Variants in SKAP2 observed in about 807,000 individuals in gnomAD.
SKAP2 encodes the protein src kinase-associated phosphoprotein 2.
SKAP2 carries 28 observed loss-of-function variants against 54.9 expected under a neutral mutation model. The observed-to-expected ratio is 0.51, with a 90% CI of 0.38 to 0.70. The LOEUF (loss-of-function observed/expected upper bound fraction) is 0.70. SKAP2 is among the 30% of genes least tolerant of loss of function. The pLI is 0.00. For missense variants in SKAP2, 356 were observed against 424.1 expected, an observed-to-expected ratio of 0.84 and a Z score of 1.41; for synonymous variants, 137 against 134.3, an observed-to-expected ratio of 1.02 and a Z score of -0.14.
chr7:26,671,023 A>C (rs1283849177), intron 11 of SKAP2, among the ~76,000 whole-genome samples: 2 of 151,372 alleles, frequency 1.3e-5, no homozygotes, highest in African/African-American at 2.5e-5. Context: ...TGAGATAAAC[A>C]AACCTATACC....
intron 4 of SKAP2, among the ~76,000 whole-genome samples, chr7:26,813,468 A>G (rs113709480): frequency 1.2e-3 from 187 of 152,338 alleles, no homozygotes; most frequent in Admixed American, 3.5e-3. Flanking sequence ...GTCAATCAAC[A>G]ATAAAGTATT....
the SKAP2 span, among the ~76,000 whole-genome samples, chr7:26,661,277 A>G: frequency 6.6e-6 from 1 of 152,168 alleles, no homozygotes; most frequent in Non-Finnish European, 1.5e-5. Context: ...GATTAGTGCT[A>G]TATTACAAGG....
chr7:26,775,749 T>C (rs1440620955), intron 4 of SKAP2, among the ~76,000 whole-genome samples: 1 of 152,128 alleles, frequency 6.6e-6, no homozygotes, highest in Non-Finnish European at 1.5e-5. Context: ...CATAATTTTG[T>C]CATTTCAAGA....
At chr7:26,783,890 T>C (rs1261408016) in intron 4 of SKAP2, among the ~76,000 whole-genome samples, 1 of 151,502 alleles carries the variant, frequency 6.6e-6, no homozygotes, top group East Asian at 1.9e-4. Flanking sequence ...CATGTATACA[T>C]ACGTAACTAA....
the SKAP2 span, among the ~76,000 whole-genome samples, chr7:26,661,622 T>C: frequency 6.6e-6 from 1 of 152,134 alleles, no homozygotes. Context: ...TGGAAGTCAA[T>C]GACTTGATCA....
At chr7:26,672,709 T>C (rs1019806717) in intron 11 of SKAP2, among the ~76,000 whole-genome samples, 2 of 152,020 alleles carry the variant, frequency 1.3e-5, no homozygotes, top group African/African-American at 4.8e-5. Flanking sequence ...AATTTATGGA[T>C]TTACACTGCA....
chr7:26,775,508 A>G (rs932627552), intron 4 of SKAP2, among the ~76,000 whole-genome samples: 28 of 147,968 alleles, frequency 1.9e-4, no homozygotes, highest in African/African-American at 6.8e-4. Flanking sequence ...AATATTATTT[A>G]GATTTCCCAG....
chr7:26,679,319 C>T (rs960380686), intron 11 of SKAP2, among the ~76,000 whole-genome samples: 2 of 152,178 alleles, frequency 1.3e-5, no homozygotes, highest in African/African-American at 4.8e-5. Context: ...GCATATTGTT[C>T]ACAAACAGAT....
At chr7:26,793,256 T>C (rs550147264) in intron 4 of SKAP2, among the ~76,000 whole-genome samples, 51 of 152,336 alleles carry the variant, frequency 3.3e-4, no homozygotes, top group African/African-American at 1.2e-3. Flanking sequence ...CCAGAAATTA[T>C]ACTGCTAATT....
intron 7 of SKAP2, chr7:26,726,644 G>A: frequency 3.0e-6 from 1 of 338,494 alleles, no homozygotes; most frequent in Non-Finnish European, 5.4e-6. Context: ...TGCAACATGT[G>A]AAGTAATTGA....
intron 4 of SKAP2, among the ~76,000 whole-genome samples, chr7:26,750,022 A>G (rs1264859532): frequency 6.6e-6 from 1 of 151,744 alleles, no homozygotes; most frequent in Non-Finnish European, 1.5e-5. Context: ...AAGTATTACT[A>G]ACTCTATATT....
chr7:26,660,947 C>A, the SKAP2 span, among the ~76,000 whole-genome samples: 1 of 151,836 alleles, frequency 6.6e-6, no homozygotes, highest in South Asian at 2.1e-4. Flanking sequence ...CTATAGATTA[C>A]AATTGCTAGA....
chr7:26,697,298 C>T (rs530223269), intron 9 of SKAP2, among the ~76,000 whole-genome samples: 1 of 152,274 alleles, frequency 6.6e-6, no homozygotes, highest in East Asian at 1.9e-4. Flanking sequence ...CGATCACCTA[C>T]AGGCAATTAG....
chr7:26,798,983 A>C (rs2127983861), intron 4 of SKAP2, among the ~76,000 whole-genome samples: 1 of 150,726 alleles, frequency 6.6e-6, no homozygotes, highest in Non-Finnish European at 1.5e-5. Flanking sequence ...CACTAGAGGA[A>C]GACAAGAAAG....
intron 7 of SKAP2, among the ~76,000 whole-genome samples, chr7:26,726,258 A>C (rs1344849407): frequency 6.6e-6 from 1 of 152,146 alleles, no homozygotes; most frequent in African/African-American, 2.4e-5. Context: ...AGAACTGATG[A>C]ACAAAATTTG....
chr7:26,862,848 A>C (rs562497602), intron 1 of SKAP2, among the ~76,000 whole-genome samples: 1 of 152,284 alleles, frequency 6.6e-6, no homozygotes, highest in Admixed American at 6.5e-5. Flanking sequence ...TCAAAAATAC[A>C]GACATAGAAT....
intron 4 of SKAP2, 112 bp from the exon 5 acceptor site, chr7:26,740,076 ATCTAAG>A: frequency 3.2e-6 from 2 of 629,710 alleles, no homozygotes; most frequent in East Asian, 2.9e-5. Context: ...AATTGTTTAA[ATCTAAG>A]TCTATTAGCT....
intron 9 of SKAP2, among the ~76,000 whole-genome samples, chr7:26,704,375 AG>A (rs1371238157): frequency 3.3e-5 from 5 of 152,220 alleles, no homozygotes; most frequent in African/African-American, 9.6e-5. Flanking sequence ...CTTCAATCCT[AG>A]CCAGGAGCCT....
rs113825972 is a variant in SKAP2 at position 26,806,260 on chromosome 7, C to T, written c.307+37770G>A. Among the ~76,000 whole-genome samples the T allele has an allele frequency of 2.6e-3, 399 of 152,220 alleles. 4 individuals carry two copies. The highest frequency in any genetic ancestry group is 9.2e-3 in the African/African-American group (381 of 41,548). The stretch of plus-strand genomic sequence containing the variant: ...TTCAAATAAAAGGAAGAATCACACA[C>T]CTCTCACTTTAAATCAAAAGCTAGA... On this transcript the variant is annotated intron_variant, in intron 4 of 12. Transcript: ENST00000345317.
Sources: gnomAD v4.1 joint callset for allele counts (sites outside exome capture counted in the v4.1 genomes callset) on GRCh38, gnomAD v4.1.1 for gene constraint, MANE v1.5 for transcripts, NCBI Gene and HGNC (gene_info 2026-07-23, HGNC 2026-07-21) for gene names.